TYR: variants seen among roughly 807,000 people sequenced by gnomAD.
The protein encoded by TYR is LB24-AB.
Under a neutral mutation model 51.5 loss-of-function variants are expected in TYR, and 58 were observed. The ratio of observed to expected loss-of-function variants is 1.13; its 90% confidence interval spans 0.91 to 1.40. TYR has a LOEUF of 1.40. Among genes scored for constraint, TYR ranks in the 40% most tolerant of loss-of-function variants. The probability of loss-of-function intolerance (pLI) is 0.00; values close to 1 mark genes in which losing one functional copy is unlikely to be tolerated. For missense variants in TYR, 732 were observed against 647.4 expected, an observed-to-expected ratio of 1.13 and a Z score of -1.42; for synonymous variants, 263 against 235.2, an observed-to-expected ratio of 1.12 and a Z score of -1.08.
intron 4 of TYR, among the ~76,000 whole-genome samples, chr11:89,285,606 G>A (rs1345001834): frequency 1.3e-5 from 2 of 151,800 alleles, no homozygotes; most frequent in Non-Finnish European, 1.5e-5. Context: ...GACAAAATGA[G>A]GAACAGATAG....
At position 89,191,302 on chromosome 11, in the gene TYR, C is replaced by T. The variant is rs1400416916; in HGVS notation, c.920C>T (p.Ser307Phe). ...LRRNPGNHDK[S>F]RTPRLPSSAD... ...CGTAATCCTGGAAACCATGACAAAT[C>T]CAGAACCCCAAGGCTCCCCTCTTCA... is the stretch of plus-strand genomic sequence containing the variant. The change falls in exon 2 of 5, where the codon TCC (serine) becomes TTC (phenylalanine). Residue 307 changes from serine (S) to phenylalanine (F), a missense_variant. Ser to Phe is a radical substitution (Grantham distance 155). Transcript: ENST00000263321. 2.5e-6 allele frequency: 4 copies of T among 1,613,724 alleles called. No homozygotes were observed. Among genetic ancestry groups the T allele is most frequent in the Non-Finnish European group, 3.4e-6 (4 of 1,179,790 alleles).
chr11:89,273,150 G>A (rs1055475238), intron 3 of TYR, among the ~76,000 whole-genome samples: 3 of 151,870 alleles, frequency 2.0e-5, no homozygotes, highest in African/African-American at 7.2e-5. Flanking sequence ...GCCTAGCTAT[G>A]TTGGCTTTGG....
intron 1 of TYR, among the ~76,000 whole-genome samples, chr11:89,183,456 T>A (rs1309315385): frequency 1.3e-5 from 2 of 152,020 alleles, no homozygotes; most frequent in African/African-American, 4.8e-5. Context: ...CATCTATACA[T>A]GTTTTGTGTG....
chr11:89,258,102 G>A (rs972922536), intron 3 of TYR, among the ~76,000 whole-genome samples: 1 of 152,026 alleles, frequency 6.6e-6, no homozygotes, highest in South Asian at 2.1e-4. Flanking sequence ...TTAAATTCAT[G>A]TTGAAGGTGT....
intron 4 of TYR, among the ~76,000 whole-genome samples, chr11:89,289,654 A>C (rs1025589982): frequency 6.6e-6 from 1 of 152,074 alleles, no homozygotes; most frequent in African/African-American, 2.4e-5. Flanking sequence ...ATTTTAATAA[A>C]TGAGTTGAAG....
chr11:89,203,332 A>G (rs147915976), intron 2 of TYR, among the ~76,000 whole-genome samples: 91 of 152,284 alleles, frequency 6.0e-4, no homozygotes, highest in African/African-American at 2.0e-3. Flanking sequence ...TCAGCCTGCT[A>G]AAGTAAAGCT....
At chr11:89,204,108 G>GGAAT (rs1337486057) in intron 2 of TYR, among the ~76,000 whole-genome samples, 2 of 152,182 alleles carry the variant, frequency 1.3e-5, no homozygotes, top group African/African-American at 4.8e-5. Context: ...AGTAAAAAGA[G>GGAAT]GAATCCTTTC....
chr11:89,213,665 G>A (rs1192220740), intron 2 of TYR, among the ~76,000 whole-genome samples: 1 of 152,094 alleles, frequency 6.6e-6, no homozygotes, highest in Non-Finnish European at 1.5e-5. Context: ...CAAAGCTGGA[G>A]GCATCATGCT....
chr11:89,208,628 T>A (rs898254634), intron 2 of TYR, among the ~76,000 whole-genome samples: 7 of 152,220 alleles, frequency 4.6e-5, no homozygotes, highest in Non-Finnish European at 1.0e-4. Flanking sequence ...AATTGCTCAG[T>A]GAGTATGCAA....
At chr11:89,254,734 C>T (rs1165310966) in intron 3 of TYR, among the ~76,000 whole-genome samples, 1 of 151,756 alleles carries the variant, frequency 6.6e-6, no homozygotes, top group African/African-American at 2.4e-5. Context: ...GTTAACCTTG[C>T]TAATGCTCTA....
At chr11:89,246,061 A>G (rs1051711147) in intron 3 of TYR, among the ~76,000 whole-genome samples, 7 of 152,038 alleles carry the variant, frequency 4.6e-5, no homozygotes, top group African/African-American at 1.4e-4. Context: ...ATTCTTAAAT[A>G]CTCCGATGTG....
rs1453353781 is a variant in TYR, at chr11:89,199,243, A to G, written c.1036+7825A>G. 3.9e-5 allele frequency among the ~76,000 whole-genome samples: 6 copies of G among 152,296 alleles called. No homozygotes were observed. In the East Asian group the frequency reaches 1.2e-3, roughly 29 times the overall value. On this transcript the variant is annotated intron_variant, in intron 2 of 4. Coordinates refer to ENST00000263321, the MANE Select transcript of TYR (RefSeq NM_000372.5). ...CATATGTGTGCGTCTTTATAGCAGC[A>G]CGATTTATAATCCTTTGGGTATATA...
At chr11:89,263,611 C>T (rs141643527) in intron 3 of TYR, among the ~76,000 whole-genome samples, 2,081 of 151,988 alleles carry the variant, frequency 0.014, 15 homozygotes, top group South Asian at 0.029. Context: ...CATAAAGAAG[C>T]TACAAATAAA....
chr11:89,261,047 T>G (rs1002120751), intron 3 of TYR, among the ~76,000 whole-genome samples: 8 of 152,108 alleles, frequency 5.3e-5, no homozygotes, highest in African/African-American at 1.9e-4. Flanking sequence ...CCCTTCAACC[T>G]CCATCCATGA....
At position 89,291,486 on chromosome 11, in the gene TYR, T is replaced by A. The variant is rs559764500; in HGVS notation, c.1367-3657T>A. 6.2e-4 allele frequency among the ~76,000 whole-genome samples: 94 copies of A among 152,084 alleles called. No individual in the cohort carries two copies. The South Asian group carries it at 0.012, about 19-fold the overall frequency. On this transcript the variant is annotated intron_variant, in intron 4 of 4. Coordinates refer to ENST00000263321, the MANE Select transcript of TYR (RefSeq NM_000372.5). The stretch of plus-strand genomic sequence containing the variant: ...TTGTATCAGTAAAAAGACTTTTTTT[T>A]TATTTTGGAAAATTAATAGAATAAA...
At chr11:89,247,488 A>C (rs1419412620) in intron 3 of TYR, among the ~76,000 whole-genome samples, 1 of 152,202 alleles carries the variant, frequency 6.6e-6, no homozygotes, top group Non-Finnish European at 1.5e-5. Flanking sequence ...ATGTTCCTAC[A>C]ACAATGTAGC....
intron 3 of TYR, among the ~76,000 whole-genome samples, chr11:89,255,649 A>G (rs1944381708): frequency 6.6e-6 from 1 of 151,734 alleles, no homozygotes; most frequent in Non-Finnish European, 1.5e-5. Flanking sequence ...TGTGGTTTTC[A>G]AAGAAGTAGT....
chr11:89,183,356 C>G (rs1409916861), intron 1 of TYR, among the ~76,000 whole-genome samples: 1 of 151,928 alleles, frequency 6.6e-6, no homozygotes, highest in Non-Finnish European at 1.5e-5. Context: ...CAAATTCTAC[C>G]CCTGCCATTT....
chr11:89,213,199 G>A (rs1943785201), intron 2 of TYR, among the ~76,000 whole-genome samples: 2 of 152,146 alleles, frequency 1.3e-5, no homozygotes, highest in East Asian at 1.9e-4. Flanking sequence ...CATTGTCTCA[G>A]CCCAAAATCT....
Sources: allele counts gnomAD v4.1 joint callset (sites outside exome capture counted in the v4.1 genomes callset), GRCh38; gene constraint gnomAD v4.1.1; transcripts MANE v1.5; gene names NCBI Gene and HGNC (gene_info 2026-07-23, HGNC 2026-07-21).